GPRC6A: variants seen among roughly 807,000 people sequenced by gnomAD.
The protein encoded by GPRC6A is G protein-coupled receptor family C group 6 member A.
Under a neutral mutation model 47.0 loss-of-function variants are expected in GPRC6A, and 54 were observed. The ratio of observed to expected loss-of-function variants is 1.15; its 90% CI spans 0.92 to 1.44. The LOEUF is 1.44. Among genes scored for constraint, GPRC6A ranks in the 40% most tolerant of loss-of-function variants. The pLI is 0.00. For missense variants in GPRC6A, 1,112 were observed against 1,105.5 expected (o/e 1.01, Z -0.08); for synonymous variants, 347 against 377.1 (o/e 0.92, Z 0.93).
At chr6:116,812,628 G>C (rs115468622) in intron 1 of GPRC6A, among the ~76,000 whole-genome samples, 2,482 of 152,194 alleles carry the variant, frequency 0.016, 76 homozygotes, top group African/African-American at 0.056. Flanking sequence ...CCTCTTAAGA[G>C]ACATAGACTG....
At chr6:116,796,975 T>C (rs1320375844) in intron 4 of GPRC6A, among the ~76,000 whole-genome samples, 1 of 152,182 alleles carries the variant, frequency 6.6e-6, no homozygotes, top group Non-Finnish European at 1.5e-5. Flanking sequence ...GCTGGTGCGC[T>C]GCACCCACTA....
rs562816146 is a variant in GPRC6A, at chr6:116,818,214, G to T, written c.195-8597C>A. 2.0e-3 allele frequency among the ~76,000 whole-genome samples: 310 copies of T among 152,132 alleles called. 2 individuals are homozygous for T. Among genetic ancestry groups the T allele is most frequent in the Middle Eastern group, 6.8e-3 (2 of 294 alleles). On this transcript the variant is annotated intron_variant, in intron 1 of 5. Transcript: ENST00000310357. ...GAAACCCTACAAGCCAGAAGAGAGT[G>T]GGGGCCAATATTCAACATTCTTAAA...
chr6:116,792,255 C>G lies in GPRC6A; in HGVS notation c.2668G>C (p.Ala890Pro), dbSNP rs1339011642. 6.2e-7 allele frequency: 1 copy of G among 1,614,020 alleles called. No individual in the cohort carries two copies. Among genetic ancestry groups the G allele is most frequent in the East Asian group, 2.2e-5 (1 of 44,872 alleles). Residue 890 changes from alanine (A) to proline (P), a missense_variant, in exon 6 of 6, where the codon GCA becomes CCA. Coordinates refer to ENST00000310357, the MANE Select transcript of GPRC6A (RefSeq NM_148963.4). Reference protein sequence around the residue: ...MTNPSSSGKSATWQKSKDLQA... With the variant: ...MTNPSSSGKSPTWQKSKDLQA... ...AGATCTTTGCTTTTCTGCCAGGTTGCAGACTTGCCACTAGAGCTGGGATTG... is the reference window on the plus strand; with the variant it reads ...AGATCTTTGCTTTTCTGCCAGGTTGGAGACTTGCCACTAGAGCTGGGATTG...
intron 2 of GPRC6A, 61 bp downstream of exon 2, chr6:116,809,253 T>C (rs1012547044): frequency 8.6e-6 from 12 of 1,397,008 alleles, no homozygotes; most frequent in Admixed American, 5.8e-5. Flanking sequence ...CAGGTTTCCC[T>C]GATCCTTTCA....
chr6:116,803,619 T>C (rs970118978), intron 3 of GPRC6A, among the ~76,000 whole-genome samples: 2 of 152,088 alleles, frequency 1.3e-5, no homozygotes, highest in African/African-American at 4.8e-5. Context: ...TCTAATAATA[T>C]GTCTTTCACT....
chr6:116,828,686 A>G, intron 1 of GPRC6A, 134 bp downstream of exon 1: 1 of 682,994 alleles, frequency 1.5e-6, no homozygotes, highest in East Asian at 2.8e-5. Flanking sequence ...TTGCAAGATT[A>G]ACCATATGCA....
chr6:116,792,706 G>T lies in GPRC6A; in HGVS notation c.2217C>A (p.Val739=), dbSNP rs137994279. 7 of 1,612,806 alleles carry T rather than the reference G, an allele frequency of 4.3e-6. No homozygotes were observed. In the African/African-American group the frequency reaches 9.3e-5, roughly 22 times the overall value. Residue 739 remains valine, a synonymous_variant, in exon 6 of 6, where the codon GTC becomes GTA. Transcript: ENST00000310357. ...TVEVNVSLPR[V]IILECEEGSI... ...ATCCCTCCTCACACTCCAGGATGAT[G>T]ACTCTGGGCAAGGAGACATTCACCT...
intron 3 of GPRC6A, among the ~76,000 whole-genome samples, chr6:116,804,705 T>G (rs937605349): frequency 6.6e-6 from 1 of 152,110 alleles, no homozygotes; most frequent in Non-Finnish European, 1.5e-5. Context: ...CTTAGATAAT[T>G]TCTTCTCAAA....
At chr6:116,814,287 A>G (rs1281004681) in intron 1 of GPRC6A, among the ~76,000 whole-genome samples, 1 of 152,208 alleles carries the variant, frequency 6.6e-6, no homozygotes, top group East Asian at 1.9e-4. Context: ...TCATGCTACT[A>G]TAAAGACACA....
intron 2 of GPRC6A, among the ~76,000 whole-genome samples, chr6:116,808,055 T>G (rs1373817292): frequency 6.6e-6 from 1 of 152,008 alleles, no homozygotes; most frequent in Non-Finnish European, 1.5e-5. Flanking sequence ...GACAATAGGC[T>G]TGGGAACCAG....
chr6:116,795,908 T>G, intron 4 of GPRC6A, 73 bp from the exon 5 acceptor site: 3 of 1,009,064 alleles, frequency 3.0e-6, no homozygotes, highest in Non-Finnish European at 4.3e-6. Context: ...TATCCTCGGC[T>G]TAACTTAAAG....
chr6:116,801,959 C>T (rs895695836), intron 3 of GPRC6A, among the ~76,000 whole-genome samples: 3 of 152,166 alleles, frequency 2.0e-5, no homozygotes, highest in African/African-American at 7.2e-5. Flanking sequence ...CCAATGTTCT[C>T]ACTTCTATCT....
At chr6:116,809,161 A>C (rs1772944974) in intron 2 of GPRC6A, among the ~76,000 whole-genome samples, 153 bp downstream of exon 2, 1 of 152,098 alleles carries the variant, frequency 6.6e-6, no homozygotes, top group African/African-American at 2.4e-5. Context: ...TTTTCACTAT[A>C]CTCTCTGTAA....
chr6:116,827,273 A>G (rs1256733626), intron 1 of GPRC6A, among the ~76,000 whole-genome samples: 1 of 152,022 alleles, frequency 6.6e-6, no homozygotes, highest in African/African-American at 2.4e-5. Context: ...TGACTTGATC[A>G]TTACACATTC....
Position 116,807,148 on chromosome 6 carries a change from A to G in GPRC6A, c.557T>C (p.Leu186Ser). The change falls in exon 3 of 6, where the codon TTA (leucine) becomes TCA (serine). Residue 186 changes from leucine to serine, a missense_variant. Coordinates refer to ENST00000310357, the MANE Select transcript of GPRC6A (RefSeq NM_148963.4). ...ATGGAAGTCACTGGGCACAGTCCGT[A>G]AAAATGAAGGAAAGCGAATTTTGTC... The part of the protein sequence containing the change: ...LSDKIRFPSF[L>S]RTVPSDFHQI... 6 of 1,613,566 alleles carry G rather than the reference A, an allele frequency of 3.7e-6. No homozygotes were observed. Among genetic ancestry groups the G allele is most frequent in the Non-Finnish European group, 5.1e-6 (6 of 1,179,694 alleles).
At chr6:116,807,249 C>T (rs184510143) in intron 2 of GPRC6A, 43 bp from the exon 3 acceptor site, 19 of 1,174,392 alleles carry the variant, frequency 1.6e-5, no homozygotes, top group African/African-American at 1.5e-5. Context: ...TTGATGAACT[C>T]CAGGTAACTG....
At chr6:116,819,291 C>G (rs1387172492) in intron 1 of GPRC6A, among the ~76,000 whole-genome samples, 2 of 150,536 alleles carry the variant, frequency 1.3e-5, no homozygotes, top group African/African-American at 4.9e-5. Flanking sequence ...CAACATTAGA[C>G]AGATCAACGA....
chr6:116,817,752 G>A (rs866446141), intron 1 of GPRC6A, among the ~76,000 whole-genome samples: 9 of 152,240 alleles, frequency 5.9e-5, no homozygotes, highest in Middle Eastern at 3.4e-3. Flanking sequence ...CTCAGGAGCC[G>A]ATGCGATCAA....
At position 116,809,556 on chromosome 6, in the gene GPRC6A, T is replaced by C. The variant is rs1205058544; in HGVS notation, c.256A>G (p.Asn86Asp). 1 of 1,612,980 alleles carries C rather than the reference T, an allele frequency of 6.2e-7. No individual in the cohort carries two copies. The highest frequency in any genetic ancestry group is 8.5e-7 in the Non-Finnish European group (1 of 1,179,120). The change falls in exon 2 of 6, where the codon AAT becomes GAT. Residue 86 changes from asparagine (N) to aspartate (D), a missense_variant. Coordinates refer to ENST00000310357, the MANE Select transcript of GPRC6A (RefSeq NM_148963.4). Reference protein sequence around the residue: ...AMIHSIEMINNSTLLPGVKLG... With the variant: ...AMIHSIEMINDSTLLPGVKLG... ...TTGACTCCAGGTAAGAGTGTTGAAT[T>C]GTTGATCATCTCAATGCTGTGTATC... is the stretch of plus-strand genomic sequence containing the variant.
Sources: allele counts gnomAD v4.1 joint callset (sites outside exome capture counted in the v4.1 genomes callset), GRCh38; gene constraint gnomAD v4.1.1; transcripts MANE v1.5; gene names NCBI Gene and HGNC (gene_info 2026-07-23, HGNC 2026-07-21).